Variants in FAR1 observed in about 807,000 individuals in gnomAD.
FAR1 encodes the protein fatty acyl-CoA reductase 1.
Under a neutral mutation model 61.1 loss-of-function variants are expected in FAR1, and 22 were observed. The ratio of observed to expected loss-of-function variants is 0.36; its 90% confidence interval spans 0.26 to 0.51. The LOEUF (loss-of-function observed/expected upper bound fraction) is 0.51. Ranked by LOEUF, FAR1 falls within the 20% of genes least tolerant of loss-of-function variation. The probability of loss-of-function intolerance (pLI) is 0.95; values close to 1 mark genes in which losing one functional copy is unlikely to be tolerated. For synonymous variants in FAR1, 206 were observed against 209.7 expected, an observed-to-expected ratio of 0.98 and a Z score of 0.15; for missense variants, 359 against 626.9, an observed-to-expected ratio of 0.57 and a Z score of 4.56.
chr11:13,699,675 T>C (rs1848348770), intron 2 of FAR1, among the ~76,000 whole-genome samples: 1 of 152,190 alleles, frequency 6.6e-6, no homozygotes, highest in Non-Finnish European at 1.5e-5. Context: ...TGTGATCTGA[T>C]TGTCTAGCAA....
chr11:13,720,724 G>T (rs939223449), intron 9 of FAR1: 4 of 151,704 alleles, frequency 2.6e-5, no homozygotes, highest in African/African-American at 9.7e-5. Flanking sequence ...TTTTGAGACT[G>T]TCTAAACTAC....
chr11:13,707,653 A>G (rs1205399810), intron 3 of FAR1, among the ~76,000 whole-genome samples: 2 of 152,208 alleles, frequency 1.3e-5, no homozygotes, highest in Non-Finnish European at 1.5e-5. Flanking sequence ...GGACAATTAT[A>G]TAATTTTTAA....
chr11:13,687,479 T>C (rs1405129263), intron 1 of FAR1, among the ~76,000 whole-genome samples: 1 of 152,234 alleles, frequency 6.6e-6, no homozygotes, highest in Non-Finnish European at 1.5e-5. Flanking sequence ...GTAGCAGGAA[T>C]CTGAACAGCA....
rs1325667365 is a variant in FAR1 at position 13,694,869 on chromosome 11, C to G, written c.104C>G (p.Pro35Arg). The G allele has an allele frequency of 3.7e-6, 6 of 1,613,988 alleles. No individual in the cohort carries two copies. The highest frequency in any genetic ancestry group is 5.1e-6 in the Non-Finnish European group (6 of 1,179,956). Residue 35 changes from proline (P) to arginine (R), a missense_variant, in exon 2 of 12, where the codon CCT (proline) becomes CGT (arginine). By Grantham distance (103) the Pro-to-Arg change is moderately radical. Around this residue, in one of 2 missense-constraint regions of FAR1, gnomAD observed 344 missense variants for 570.3 expected, o/e 0.60. Transcript: ENST00000354817. ...VLLEKLLRSC[P>R]KVNSVYVLVR... is the part of the protein sequence containing the mutation. ...CTGGAAAAGTTGCTGAGGTCTTGTC[C>G]TAAGGTGAATTCAGTATATGTTTTG...
At chr11:13,693,042 A>T (rs550325999) in intron 1 of FAR1, among the ~76,000 whole-genome samples, 1 of 152,286 alleles carries the variant, frequency 6.6e-6, no homozygotes, top group South Asian at 2.1e-4. Flanking sequence ...TTCTCAAAAG[A>T]GCTTTTCCAC....
intron 5 of FAR1, among the ~76,000 whole-genome samples, chr11:13,711,472 G>A (rs1196376164): frequency 2.6e-5 from 4 of 152,026 alleles, no homozygotes; most frequent in Admixed American, 6.6e-5. Context: ...GCTTAATTTT[G>A]TAAAAATATT....
intron 3 of FAR1, among the ~76,000 whole-genome samples, chr11:13,706,282 C>T (rs1261764275): frequency 6.6e-6 from 1 of 151,854 alleles, no homozygotes; most frequent in Non-Finnish European, 1.5e-5. Flanking sequence ...ATTTTAGTTT[C>T]TTTTTATTTG....
chr11:13,669,682 G>A (rs977917943), intron 1 of FAR1: 5 of 152,160 alleles, frequency 3.3e-5, no homozygotes, highest in African/African-American at 9.7e-5. Context: ...TACTGCTAGT[G>A]GAGGGCCAAA....
At chr11:13,708,445 GCGCACA>G (rs1384980939) in intron 4 of FAR1, among the ~76,000 whole-genome samples, 34 of 81,222 alleles carry the variant, frequency 4.2e-4, no homozygotes, top group African/African-American at 1.4e-3. Flanking sequence ...GCGCGCGCGC[GCGCACA>G]CACACACACA....
intron 3 of FAR1, 159 bp downstream of exon 3, chr11:13,700,651 CTCT>C (rs35975531): frequency 3.0e-5 from 11 of 369,378 alleles, no homozygotes; most frequent in South Asian, 2.6e-4. Flanking sequence ...TAAAAGAATT[CTCT>C]TCTTCTTCTC....
chr11:13,722,008 A>C (rs1848614665), intron 10 of FAR1, 149 bp downstream of exon 10: 1 of 613,900 alleles, frequency 1.6e-6, no homozygotes, highest in South Asian at 3.0e-5. Context: ...CATAATTGTT[A>C]GTGGTGAAAT....
rs1848451564 is a variant in FAR1 at position 13,707,913 on chromosome 11, T to C, written c.379T>C (p.Leu127=). 6.3e-7 allele frequency: 1 copy of C among 1,583,378 alleles called. No homozygotes were observed. The highest frequency in any genetic ancestry group is 1.4e-5 in the African/African-American group (1 of 73,352). ...CTTTTTAAACAGAGATGCTGTTCAG[T>C]TAAATGTGATTGCAACGCGACAGCT... ...FNENLRDAVQ[L]NVIATRQLIL... is the part of the protein sequence containing the mutation. Residue 127 remains leucine, a synonymous_variant, in exon 4 of 12, where the codon TTA becomes CTA. Transcript: ENST00000354817.
chr11:13,670,636 C>A (rs1179630998), intron 1 of FAR1, among the ~76,000 whole-genome samples: 1 of 151,530 alleles, frequency 6.6e-6, no homozygotes, highest in South Asian at 2.1e-4. Context: ...CATAAATTTT[C>A]TGGAGTTTGA....
intron 10 of FAR1, chr11:13,723,422 A>G (rs1848635722): frequency 7.4e-6 from 3 of 405,742 alleles, no homozygotes; most frequent in South Asian, 1.8e-5. Flanking sequence ...TCTGTCTTAC[A>G]TTTTTGCTGT....
chr11:13,726,258 G>GTTT (rs767019128), intron 10 of FAR1, among the ~76,000 whole-genome samples: 2 of 151,996 alleles, frequency 1.3e-5, no homozygotes, highest in East Asian at 3.9e-4. Flanking sequence ...ATTTACCAGC[G>GTTT]TAACTGTCCT....
intron 10 of FAR1, among the ~76,000 whole-genome samples, chr11:13,726,038 A>G (rs980282693): frequency 5.3e-5 from 8 of 152,006 alleles, no homozygotes; most frequent in Admixed American, 2.0e-4. Flanking sequence ...AGAGATTACA[A>G]TGTCCTTTAA....
rs1365521272 is a variant in FAR1 at position 13,696,567 on chromosome 11, A to G, written c.189+1613A>G. Among the ~76,000 whole-genome samples the G allele has an allele frequency of 6.2e-4, 94 of 152,300 alleles. 1 individual carries two copies. Among genetic ancestry groups the G allele is most frequent in the Admixed American group, 6.0e-3 (92 of 15,306 alleles). On this transcript the variant is annotated intron_variant, in intron 2 of 11. Transcript: ENST00000354817. ...TTTTCTACTTAGAGCCTGAGGTTTC[A>G]TTGAACTTCAGTGGTTTAGCCTGAA...
intron 1 of FAR1, among the ~76,000 whole-genome samples, chr11:13,694,349 C>G (rs1172778513): frequency 6.6e-6 from 1 of 152,136 alleles, no homozygotes; most frequent in Non-Finnish European, 1.5e-5. Context: ...GTAATTGAGT[C>G]TTGCTGCTGA....
intron 9 of FAR1, among the ~76,000 whole-genome samples, chr11:13,715,459 G>C (rs1848545888): frequency 6.6e-6 from 1 of 152,010 alleles, no homozygotes; most frequent in African/African-American, 2.4e-5. Flanking sequence ...GTTTGTATAG[G>C]GGATTAAGGG....
Sources: gnomAD v4.1 joint callset for allele counts (sites outside exome capture counted in the v4.1 genomes callset) on GRCh38, gnomAD v4.1.1 for gene constraint, gnomAD v4.1.1 regional missense constraint, MANE v1.5 for transcripts, NCBI Gene and HGNC (gene_info 2026-07-23, HGNC 2026-07-21) for gene names.